Variants in ZBTB16 observed in about 807,000 individuals in gnomAD.
ZBTB16 encodes the protein zinc finger and BTB domain containing 16, also known as zinc finger and BTB domain-containing protein 16.
ZBTB16 carries 8 observed loss-of-function variants against 56.8 expected under a neutral mutation model. That is an observed-to-expected ratio of 0.14 (90% CI 0.08 to 0.25). ZBTB16 has a LOEUF of 0.25. Ranked by LOEUF, ZBTB16 falls within the 10% of genes least tolerant of loss-of-function variation. The probability of loss-of-function intolerance (pLI) is 1.00; values close to 1 mark genes in which losing one functional copy is unlikely to be tolerated. For missense variants in ZBTB16, 625 were observed against 903.0 expected (o/e 0.69, Z 3.95); for synonymous variants, 363 against 368.5 (o/e 0.98, Z 0.17).
intron 2 of ZBTB16, among the ~76,000 whole-genome samples, chr11:114,134,765 A>AT (rs1374542496): frequency 1.3e-5 from 2 of 152,182 alleles, no homozygotes; most frequent in Admixed American, 6.5e-5. Flanking sequence ...CTGTGAAGTC[A>AT]TTTTTTTTAA....
In ZBTB16 at chr11:114,118,993, G is replaced by A. The variant is rs529912597; in HGVS notation, c.1269-37344G>A. ...AAAGAATTTAGAGGGGGCCAGGTGC[G>A]GTGGCTCACACCTGTAATCCCAGCA... On this transcript the variant is annotated intron_variant, in intron 2 of 6. Transcript: ENST00000335953. Among the ~76,000 whole-genome samples, 51 of 152,138 alleles carry A rather than the reference G, an allele frequency of 3.4e-4. 1 individual carries two copies. The South Asian group carries it at 7.1e-3, about 21-fold the overall frequency.
At chr11:114,101,982 G>C (rs1292381211) in intron 2 of ZBTB16, among the ~76,000 whole-genome samples, 2 of 152,212 alleles carry the variant, frequency 1.3e-5, no homozygotes, top group African/African-American at 4.8e-5. Context: ...TGGCTCTAGG[G>C]AATAGATGTC....
At chr11:114,129,183 T>C (rs1941596951) in intron 2 of ZBTB16, among the ~76,000 whole-genome samples, 1 of 152,244 alleles carries the variant, frequency 6.6e-6, no homozygotes, top group African/African-American at 2.4e-5. Flanking sequence ...GCAAAATCCT[T>C]ATTTCCATAA....
chr11:114,119,362 GTGTT>G lies in ZBTB16; in HGVS notation c.1269-36971_1269-36968del, dbSNP rs1351876360. On this transcript the variant is annotated intron_variant, in intron 2 of 6. Coordinates refer to ENST00000335953, the MANE Select transcript of ZBTB16 (RefSeq NM_006006.6). ...TGTGTGTGTGCGCGCGTGTGTGTGT[GTGTT>G]TGTGTCTGTGTGTGTGTGCACATGT... 4.6e-5 allele frequency among the ~76,000 whole-genome samples: 7 copies of G among 151,086 alleles called. No homozygotes were observed. The East Asian group carries it at 5.8e-4, about 13-fold the overall frequency.
chr11:114,207,574 C>T (rs1238283743), intron 4 of ZBTB16, among the ~76,000 whole-genome samples: 1 of 148,600 alleles, frequency 6.7e-6, no homozygotes, highest in East Asian at 2.0e-4. Flanking sequence ...GTCTTGTTTG[C>T]CTGATACACA....
intron 4 of ZBTB16, among the ~76,000 whole-genome samples, chr11:114,230,633 G>GT (rs1555159024): frequency 1.5e-5 from 2 of 133,730 alleles, no homozygotes; most frequent in African/African-American, 5.8e-5. Flanking sequence ...ATCTTCTGTG[G>GT]GGGGGGGGCG....
intron 3 of ZBTB16, among the ~76,000 whole-genome samples, chr11:114,182,993 G>GA (rs1943283019): frequency 1.3e-5 from 2 of 152,154 alleles, no homozygotes. Flanking sequence ...CCATTACAGA[G>GA]ACCATTTAAA....
chr11:114,242,167 G>T lies in ZBTB16; in HGVS notation c.1454G>T (p.Gly485Val), dbSNP rs1944719749. 6.2e-7 allele frequency: 1 copy of T among 1,613,574 alleles called. No individual in the cohort carries two copies. Reference sequence around the variant, plus strand: ...GCACCCCCTCTCCTGTCTCCCACAGGCACTGACATGGCCGTCTTCTGTCTG... The same window carrying T: ...GCACCCCCTCTCCTGTCTCCCACAGTCACTGACATGGCCGTCTTCTGTCTG... ...ALETHRQTHT[G>V]TDMAVFCLLC... The change falls in exon 5 of 7, where the codon GGC becomes GTC. Residue 485 changes from glycine (G) to valine (V), a missense_variant and splice_region_variant. Physicochemically the swap from Gly to Val is moderately radical, Grantham distance 109. Around this residue, in one of 6 missense-constraint regions of ZBTB16, gnomAD observed 140 missense variants for 214.8 expected, o/e 0.65. Coordinates refer to ENST00000335953, the MANE Select transcript of ZBTB16 (RefSeq NM_006006.6).
chr11:114,167,678 C>A (rs904819914), intron 3 of ZBTB16, among the ~76,000 whole-genome samples: 3 of 152,146 alleles, frequency 2.0e-5, no homozygotes, highest in Admixed American at 2.0e-4. Context: ...AGCGACCCCT[C>A]CTTCCTCTGA....
chr11:114,143,131 T>C lies in ZBTB16; in HGVS notation c.1269-13206T>C, dbSNP rs1045868371. Among the ~76,000 whole-genome samples the C allele has an allele frequency of 6.6e-6, 1 of 152,122 alleles. No individual in the cohort carries two copies. Among genetic ancestry groups the C allele is most frequent in the Non-Finnish European group, 1.5e-5 (1 of 68,006 alleles). ...GAGGCTCCTGTGCACACGGTGAATGTGTGCTGGCTGATGAGGGTGAGGAGC... is the reference window on the plus strand; with the variant it reads ...GAGGCTCCTGTGCACACGGTGAATGCGTGCTGGCTGATGAGGGTGAGGAGC... On this transcript the variant is annotated intron_variant, in intron 2 of 6. Transcript: ENST00000335953. This position sits in a 1 kb window ranked among gnomAD's most constrained non-coding sequence, Gnocchi z 6.4.
At chr11:114,121,890 G>A in intron 2 of ZBTB16, 1 of 454,862 alleles carries the variant, frequency 2.2e-6, no homozygotes, top group Non-Finnish European at 4.4e-6. Context: ...TTCCTGAGAT[G>A]TGAGATGTCA....
intron 2 of ZBTB16, among the ~76,000 whole-genome samples, chr11:114,136,766 A>C (rs1941808066): frequency 6.6e-6 from 1 of 152,074 alleles, no homozygotes; most frequent in African/African-American, 2.4e-5. Context: ...TCTACTGAGG[A>C]TGACTTTGTC....
chr11:114,126,683 T>G (rs1418837897), intron 2 of ZBTB16, among the ~76,000 whole-genome samples: 1 of 152,158 alleles, frequency 6.6e-6, no homozygotes, highest in Non-Finnish European at 1.5e-5. Flanking sequence ...TGAGCGAGGT[T>G]CTGAAAGTCT....
intron 2 of ZBTB16, among the ~76,000 whole-genome samples, chr11:114,084,135 G>T (rs1242459602): frequency 6.6e-6 from 1 of 152,104 alleles, no homozygotes; most frequent in African/African-American, 2.4e-5. Flanking sequence ...TATTTCCTTT[G>T]TTCTTGGCTG....
At chr11:114,119,884 T>G (rs1225627313) in intron 2 of ZBTB16, among the ~76,000 whole-genome samples, 1 of 152,200 alleles carries the variant, frequency 6.6e-6, no homozygotes, top group Non-Finnish European at 1.5e-5. Context: ...ATACTGCAGC[T>G]TTTCCCACTT....
chr11:114,240,258 A>G (rs995857318), intron 4 of ZBTB16, among the ~76,000 whole-genome samples: 8 of 152,306 alleles, frequency 5.3e-5, no homozygotes, highest in South Asian at 2.1e-4. Flanking sequence ...TTGCCTGCCT[A>G]CTAGTCCATC....
chr11:114,112,845 C>T (rs536519355), intron 2 of ZBTB16, among the ~76,000 whole-genome samples: 44 of 151,042 alleles, frequency 2.9e-4, no homozygotes, highest in African/African-American at 1.0e-3. Flanking sequence ...CTCACTGTAG[C>T]CTCGACCTTC....
intron 2 of ZBTB16, among the ~76,000 whole-genome samples, chr11:114,097,256 A>C (rs559718312): frequency 6.6e-6 from 1 of 152,292 alleles, no homozygotes; most frequent in South Asian, 2.1e-4. Context: ...ATATAAAGCA[A>C]ATTTGTAGAA....
rs1326318338 is a variant in ZBTB16, at chr11:114,256,708, G to A, written c.*6153G>A. ...GCCTTGTGCAGGGGAGGGGATGGGTGGGAGGTGGCCGTGCAAGCTCTGCAT... is the reference window on the plus strand; with the variant it reads ...GCCTTGTGCAGGGGAGGGGATGGGTAGGAGGTGGCCGTGCAAGCTCTGCAT... On this transcript the variant is annotated 3_prime_UTR_variant, in exon 7 of 7. Transcript: ENST00000335953. Among the ~76,000 whole-genome samples the A allele has an allele frequency of 6.6e-6, 1 of 152,172 alleles. No individual in the cohort carries two copies. Among genetic ancestry groups the A allele is most frequent in the Non-Finnish European group, 1.5e-5 (1 of 68,006 alleles).
Sources: allele counts gnomAD v4.1 joint callset (sites outside exome capture counted in the v4.1 genomes callset), GRCh38; gene constraint gnomAD v4.1.1; regional missense constraint gnomAD v4.1.1; non-coding constraint Gnocchi (gnomAD v3.1); transcripts MANE v1.5; gene names NCBI Gene and HGNC (gene_info 2026-07-23, HGNC 2026-07-21).